SACM1L: variants seen among roughly 807,000 people sequenced by gnomAD.
SACM1L encodes phosphatidylinositol-3-phosphatase SAC1.
SACM1L carries 32 observed loss-of-function variants against 89.5 expected under a neutral mutation model. The observed-to-expected ratio is 0.36, with a 90% CI of 0.27 to 0.48. SACM1L has a LOEUF of 0.48. Among genes scored for constraint, SACM1L ranks in the 20% least tolerant of loss-of-function variants. The probability of loss-of-function intolerance (pLI) is 0.99; values close to 1 mark genes in which losing one functional copy is unlikely to be tolerated. For missense variants in SACM1L, 543 were observed against 708.5 expected (o/e 0.77, Z 2.65); for synonymous variants, 213 against 232.8 (o/e 0.92, Z 0.77).
At chr3:45,729,902 A>G (rs961710755) in intron 11 of SACM1L, among the ~76,000 whole-genome samples, 3 of 151,896 alleles carry the variant, frequency 2.0e-5, no homozygotes, top group Non-Finnish European at 4.4e-5. Flanking sequence ...TGGAATTCCC[A>G]TAGTGCTAAA....
At chr3:45,726,880 T>G (rs1476246095) in intron 11 of SACM1L, among the ~76,000 whole-genome samples, 1 of 48,832 alleles carries the variant, frequency 2.0e-5, no homozygotes, top group Non-Finnish European at 4.8e-5. Flanking sequence ...TTTTTTTTTT[T>G]TTTTTTTTTT....
chr3:45,698,279 T>C (rs1305830848), intron 1 of SACM1L, among the ~76,000 whole-genome samples: 1 of 152,190 alleles, frequency 6.6e-6, no homozygotes, highest in Non-Finnish European at 1.5e-5. Flanking sequence ...ATACCTGCTG[T>C]TATGGTTAAC....
intron 1 of SACM1L, among the ~76,000 whole-genome samples, chr3:45,698,981 G>T (rs1029078449): frequency 6.6e-6 from 1 of 152,134 alleles, no homozygotes; most frequent in Non-Finnish European, 1.5e-5. Context: ...CACCATGTTG[G>T]CCAGGATGGT....
chr3:45,714,104 T>G, intron 7 of SACM1L, 25 bp downstream of exon 7: 1 of 1,465,764 alleles, frequency 6.8e-7, no homozygotes. Context: ...TATTACTCTT[T>G]AGTTTCTAGA....
chr3:45,714,707 C>T (rs749450962), intron 7 of SACM1L, among the ~76,000 whole-genome samples: 1 of 152,082 alleles, frequency 6.6e-6, no homozygotes, highest in Non-Finnish European at 1.5e-5. Flanking sequence ...AGAATATTGC[C>T]TAAGGGAGAA....
At chr3:45,697,714 T>C (rs1448539627) in intron 1 of SACM1L, among the ~76,000 whole-genome samples, 1 of 152,246 alleles carries the variant, frequency 6.6e-6, no homozygotes, top group East Asian at 1.9e-4. Context: ...ATGTGTCTTA[T>C]TAATGGGAAC....
intron 6 of SACM1L, 181 bp downstream of exon 6, chr3:45,713,377 A>T (rs550499252): frequency 8.4e-6 from 4 of 476,964 alleles, no homozygotes; most frequent in Admixed American, 7.9e-5. Flanking sequence ...AAGAAGCCTA[A>T]CTATTTTACT....
At chr3:45,733,510 T>C (rs533237787) in intron 13 of SACM1L, among the ~76,000 whole-genome samples, 343 of 152,300 alleles carry the variant, frequency 2.3e-3, no homozygotes, top group African/African-American at 7.6e-3. Flanking sequence ...CATATATATG[T>C]ACACCAACTC....
intron 7 of SACM1L, among the ~76,000 whole-genome samples, chr3:45,716,225 G>T (rs1008086814): frequency 6.6e-6 from 1 of 152,144 alleles, no homozygotes; most frequent in East Asian, 1.9e-4. Context: ...TGTAATCTCA[G>T]TGCCTTGGGA....
At chr3:45,726,721 A>G (rs1260327174) in intron 11 of SACM1L, among the ~76,000 whole-genome samples, 1 of 151,646 alleles carries the variant, frequency 6.6e-6, no homozygotes, top group Non-Finnish European at 1.5e-5. Flanking sequence ...TCTGATTTTT[A>G]TTATTTCCTC....
chr3:45,715,572 G>A (rs183918022), intron 7 of SACM1L, among the ~76,000 whole-genome samples: 15 of 152,218 alleles, frequency 9.9e-5, no homozygotes, highest in African/African-American at 3.4e-4. Flanking sequence ...TCAGGAGTTC[G>A]AGACCAGTCT....
intron 1 of SACM1L, among the ~76,000 whole-genome samples, chr3:45,696,087 T>A (rs903272782): frequency 1.1e-4 from 16 of 150,342 alleles, no homozygotes; most frequent in Admixed American, 2.0e-4. Context: ...AACCTCTGCC[T>A]CCTGGGTTCA....
intron 19 of SACM1L, among the ~76,000 whole-genome samples, chr3:45,740,578 C>T (rs1164765192): frequency 6.6e-6 from 1 of 152,160 alleles, no homozygotes; most frequent in Non-Finnish European, 1.5e-5. Flanking sequence ...ATTTTATTTT[C>T]CTTTCACATT....
chr3:45,692,512 G>C (rs530856367), intron 1 of SACM1L, among the ~76,000 whole-genome samples: 2 of 151,886 alleles, frequency 1.3e-5, no homozygotes, highest in South Asian at 2.1e-4. Flanking sequence ...TTTCAGTTTC[G>C]CCATGTTGCT....
intron 19 of SACM1L, among the ~76,000 whole-genome samples, chr3:45,742,421 T>C (rs1452180925): frequency 6.6e-6 from 1 of 152,150 alleles, no homozygotes; most frequent in Admixed American, 6.5e-5. Flanking sequence ...TGAGGGCTTG[T>C]TAGGAAGGAG....
At chr3:45,699,111 T>C (rs1698199682) in intron 1 of SACM1L, among the ~76,000 whole-genome samples, 2 of 152,178 alleles carry the variant, frequency 1.3e-5, no homozygotes, top group Admixed American at 6.5e-5. Flanking sequence ...TTCAATCTTA[T>C]GTATACGGTT....
intron 3 of SACM1L, among the ~76,000 whole-genome samples, chr3:45,705,642 A>G (rs1698374139): frequency 2.0e-5 from 3 of 151,496 alleles, no homozygotes; most frequent in South Asian, 4.2e-4. Flanking sequence ...AGCTGGGATT[A>G]CAGGTGCCTG....
intron 5 of SACM1L, among the ~76,000 whole-genome samples, 154 bp from the exon 6 acceptor site, chr3:45,712,983 G>A (rs1202141339): frequency 6.6e-6 from 1 of 152,224 alleles, no homozygotes; most frequent in Non-Finnish European, 1.5e-5. Flanking sequence ...GCCCACAGGA[G>A]GTACAGATTT....
chr3:45,723,901 CTTTT>C (rs1211908859), intron 11 of SACM1L, among the ~76,000 whole-genome samples: 2 of 151,742 alleles, frequency 1.3e-5, no homozygotes, highest in Non-Finnish European at 2.9e-5. Context: ...GAATTTCATT[CTTTT>C]TTTAAGACTG....
Sources: allele counts gnomAD v4.1 joint callset (sites outside exome capture counted in the v4.1 genomes callset), GRCh38; gene constraint gnomAD v4.1.1; transcripts MANE v1.5; gene names NCBI Gene and HGNC (gene_info 2026-07-23, HGNC 2026-07-21).